CEP162: variants seen among roughly 807,000 people sequenced by gnomAD.
CEP162 encodes the protein centrosomal protein of 162 kDa.
A neutral mutation model predicts 169.2 loss-of-function variants in CEP162; 141 were observed. The observed-to-expected ratio is 0.83, with a 90% CI of 0.73 to 0.96. The LOEUF (loss-of-function observed/expected upper bound fraction) is 0.96, where lower values mean the gene tolerates loss of function less well. CEP162 is among the 40% of genes least tolerant of loss of function. The probability of loss-of-function intolerance (pLI) is 0.00; values close to 1 mark genes in which losing one functional copy is unlikely to be tolerated. For missense variants in CEP162, 1,600 were observed against 1,587.2 expected (o/e 1.01, Z -0.14); for synonymous variants, 540 against 526.4 (o/e 1.03, Z -0.35).
chr6:84,215,215 C>A (rs2099551068), intron 5 of CEP162, 67 bp downstream of exon 5: 2 of 796,774 alleles, frequency 2.5e-6, no homozygotes, highest in South Asian at 6.4e-5. Context: ...TTTAAAATCA[C>A]ACATATATCA....
intron 25 of CEP162, among the ~76,000 whole-genome samples, chr6:84,140,996 C>T (rs771022746): frequency 3.9e-5 from 6 of 152,124 alleles, no homozygotes; most frequent in Non-Finnish European, 4.4e-5. Flanking sequence ...TATATAAGCC[C>T]ACAACCTAGA....
At chr6:84,144,997 G>A (rs1039729987) in intron 25 of CEP162, among the ~76,000 whole-genome samples, 1 of 152,028 alleles carries the variant, frequency 6.6e-6, no homozygotes, top group Non-Finnish European at 1.5e-5. Context: ...GGAAACATCA[G>A]TTATACTATC....
chr6:84,130,162 T>C (rs1453947077), intron 25 of CEP162, among the ~76,000 whole-genome samples: 1 of 152,246 alleles, frequency 6.6e-6, no homozygotes, highest in Non-Finnish European at 1.5e-5. Context: ...ATTATGTTTA[T>C]TGATTTGCGT....
In CEP162 at chr6:84,169,737, G is replaced by A. The variant is rs558764243; in HGVS notation, c.2280-304C>T. On this transcript the variant is annotated intron_variant, in intron 17 of 26. Transcript: ENST00000403245. Reference sequence around the variant, plus strand: ...AAAAATTAATCGTCTACAAAGATGCGCTGCATTTTTCTGTGGGGTTGTTAA... The same window carrying A: ...AAAAATTAATCGTCTACAAAGATGCACTGCATTTTTCTGTGGGGTTGTTAA... Among the ~76,000 whole-genome samples the A allele has an allele frequency of 5.3e-5, 8 of 152,142 alleles. No individual in the cohort carries two copies. The East Asian group carries it at 1.4e-3, about 26-fold the overall frequency.
At chr6:84,176,694 A>C (rs2099532558) in intron 13 of CEP162, among the ~76,000 whole-genome samples, 1 of 152,194 alleles carries the variant, frequency 6.6e-6, no homozygotes, top group Admixed American at 6.5e-5. Context: ...AATATAATGC[A>C]AATACTCCAA....
intron 23 of CEP162, among the ~76,000 whole-genome samples, chr6:84,151,316 A>C (rs2099521009): frequency 1.3e-5 from 2 of 152,104 alleles, no homozygotes; most frequent in African/African-American, 4.8e-5. Flanking sequence ...AAAATTGTAT[A>C]ATGGCAGCAC....
intron 13 of CEP162, among the ~76,000 whole-genome samples, chr6:84,183,458 A>G (rs1465552085): frequency 2.0e-5 from 3 of 152,076 alleles, no homozygotes; most frequent in African/African-American, 7.2e-5. Flanking sequence ...AAGTAATGCA[A>G]TCACTCCCCA....
chr6:84,184,097 T>C (rs755098621), intron 13 of CEP162, among the ~76,000 whole-genome samples: 1 of 152,164 alleles, frequency 6.6e-6, no homozygotes, highest in Non-Finnish European at 1.5e-5. Flanking sequence ...ACTAGCCATG[T>C]TACTGTGCAC....
At chr6:84,150,503 A>T (rs1376064848) in intron 23 of CEP162, among the ~76,000 whole-genome samples, 1 of 152,118 alleles carries the variant, frequency 6.6e-6, no homozygotes, top group African/African-American at 2.4e-5. Context: ...CCATGGAAAC[A>T]GTGTGAGTAG....
chr6:84,181,756 A>T (rs928172424), intron 13 of CEP162, among the ~76,000 whole-genome samples: 5 of 152,098 alleles, frequency 3.3e-5, no homozygotes, highest in African/African-American at 1.2e-4. Flanking sequence ...TTAAATCCAA[A>T]AGCTGAGAGA....
At chr6:84,146,115 A>G (rs548923738) in intron 25 of CEP162, among the ~76,000 whole-genome samples, 312 of 152,160 alleles carry the variant, frequency 2.1e-3, no homozygotes, top group African/African-American at 7.3e-3. Flanking sequence ...GTTCCAATCT[A>G]TGTTTTCCTC....
intron 13 of CEP162, among the ~76,000 whole-genome samples, chr6:84,176,369 T>A (rs1190789757): frequency 6.6e-6 from 1 of 152,236 alleles, no homozygotes; most frequent in Non-Finnish European, 1.5e-5. Flanking sequence ...CATATTTAAT[T>A]AGACCGATGT....
intron 25 of CEP162, among the ~76,000 whole-genome samples, chr6:84,144,646 A>G (rs1018684279): frequency 6.6e-6 from 1 of 152,108 alleles, no homozygotes; most frequent in Non-Finnish European, 1.5e-5. Flanking sequence ...AATTTTTCAG[A>G]ATTCTAATGA....
intron 7 of CEP162, 44 bp downstream of exon 7, chr6:84,203,937 G>A: frequency 8.0e-7 from 1 of 1,248,846 alleles, no homozygotes; most frequent in Non-Finnish European, 1.1e-6. Context: ...GCCAGGTTGA[G>A]AAAAAAGTTG....
At chr6:84,220,803 G>A (rs2099553418) in intron 3 of CEP162, among the ~76,000 whole-genome samples, 1 of 151,928 alleles carries the variant, frequency 6.6e-6, no homozygotes, top group African/African-American at 2.4e-5. Context: ...AAATATACCT[G>A]AATTGTCACC....
chr6:84,207,681 C>T (rs1299381414), intron 6 of CEP162, among the ~76,000 whole-genome samples: 1 of 151,596 alleles, frequency 6.6e-6, no homozygotes, highest in Non-Finnish European at 1.5e-5. Flanking sequence ...CAAACCTGCA[C>T]GTTGTGCACA....
chr6:84,129,862 C>A (rs1162503061), intron 25 of CEP162, among the ~76,000 whole-genome samples: 1 of 152,082 alleles, frequency 6.6e-6, no homozygotes, highest in African/African-American at 2.4e-5. Context: ...CTTTTTCTTG[C>A]CTGATTGTTC....
At chr6:84,211,529 A>C (rs1379731827) in intron 6 of CEP162, among the ~76,000 whole-genome samples, 1 of 137,546 alleles carries the variant, frequency 7.3e-6, no homozygotes, top group African/African-American at 3.3e-5. Context: ...TCTATCTCAA[A>C]AAAAAAAAAA....
chr6:84,143,465 T>C (rs2099517537), intron 25 of CEP162, among the ~76,000 whole-genome samples: 1 of 151,794 alleles, frequency 6.6e-6, no homozygotes, highest in Admixed American at 6.6e-5. Context: ...ACAAGGAAAA[T>C]AAGATGTAGT....
Sources: gnomAD v4.1 joint callset for allele counts (sites outside exome capture counted in the v4.1 genomes callset) on GRCh38, gnomAD v4.1.1 for gene constraint, MANE v1.5 for transcripts, NCBI Gene and HGNC (gene_info 2026-07-23, HGNC 2026-07-21) for gene names.